Variants in ADAMTSL1 observed in about 807,000 individuals in gnomAD.
The protein encoded by ADAMTSL1 is ADAMTS-like protein 1.
Under a neutral mutation model 201.8 loss-of-function variants are expected in ADAMTSL1, and 126 were observed. The observed-to-expected ratio is 0.62, with a 90% CI of 0.54 to 0.72. The LOEUF (loss-of-function observed/expected upper bound fraction) is 0.72. Ranked by LOEUF, ADAMTSL1 falls within the 30% of genes least tolerant of loss-of-function variation. The pLI, the probability that ADAMTSL1 is intolerant of heterozygous loss-of-function variation, is 0.00. For missense variants in ADAMTSL1, 2,679 were observed against 2,277.8 expected, an observed-to-expected ratio of 1.18 and a Z score of -3.59; for synonymous variants, 1,121 against 903.4, an observed-to-expected ratio of 1.24 and a Z score of -4.32.
chr9:18,130,208 G>A (rs1242226015), intron 1 of ADAMTSL1, among the ~76,000 whole-genome samples: 1 of 152,000 alleles, frequency 6.6e-6, no homozygotes, highest in African/African-American at 2.4e-5. Flanking sequence ...CCTTCACAGG[G>A]GCATTTTCAC....
chr9:18,822,667 A>C (rs553097351), intron 21 of ADAMTSL1, among the ~76,000 whole-genome samples: 5 of 152,328 alleles, frequency 3.3e-5, no homozygotes, highest in African/African-American at 1.2e-4. Context: ...CAGATTTCTT[A>C]ATCTCTATGA....
chr9:18,085,767 G>A (rs1055382259), intron 1 of ADAMTSL1, among the ~76,000 whole-genome samples: 6 of 150,594 alleles, frequency 4.0e-5, no homozygotes, highest in African/African-American at 9.8e-5. Context: ...ATATGTGTGT[G>A]TGTATATATA....
rs138973562 is a variant in ADAMTSL1 at position 17,957,088 on chromosome 9, G to A, written c.87+50166G>A. On this transcript the variant is annotated intron_variant, in intron 1 of 29. Coordinates refer to the ADAMTSL1 transcript ENST00000680146. The stretch of plus-strand genomic sequence containing the variant: ...GAAAACATGGAATTAGAAACGCTCC[G>A]GTATTGTCAATTTTAAATAAGAAAA... 1.8e-4 allele frequency among the ~76,000 whole-genome samples: 28 copies of A among 152,058 alleles called. 1 individual carries two copies. The East Asian group carries it at 3.7e-3, about 20-fold the overall frequency.
intron 1 of ADAMTSL1, among the ~76,000 whole-genome samples, chr9:17,944,291 A>G (rs1827363323): frequency 1.3e-5 from 2 of 152,284 alleles, no homozygotes; most frequent in South Asian, 4.1e-4. Flanking sequence ...AGAACTACAA[A>G]CCACTGCTCA....
chr9:17,912,848 G>C (rs182495038), intron 1 of ADAMTSL1, among the ~76,000 whole-genome samples: 1 of 150,126 alleles, frequency 6.7e-6, no homozygotes, highest in Admixed American at 6.7e-5. Context: ...TAATCATCTT[G>C]AATTGATTTT....
chr9:18,746,897 A>C (rs1270066579), intron 15 of ADAMTSL1, among the ~76,000 whole-genome samples: 1 of 152,194 alleles, frequency 6.6e-6, no homozygotes, highest in Non-Finnish European at 1.5e-5. Context: ...CTTTACAAAA[A>C]ACTAACACTT....
chr9:17,913,883 C>T (rs1825985692), intron 1 of ADAMTSL1, among the ~76,000 whole-genome samples: 1 of 152,194 alleles, frequency 6.6e-6, no homozygotes, highest in South Asian at 2.1e-4. Flanking sequence ...TCAGAGAATA[C>T]TGCAAACACC....
chr9:18,130,832 A>G (rs1825920407), intron 1 of ADAMTSL1, among the ~76,000 whole-genome samples: 2 of 152,158 alleles, frequency 1.3e-5, no homozygotes, highest in South Asian at 4.1e-4. Flanking sequence ...ACATGAGCAG[A>G]CACAGCACAA....
intron 1 of ADAMTSL1, among the ~76,000 whole-genome samples, chr9:17,998,226 C>A (rs954524401): frequency 2.0e-5 from 3 of 152,028 alleles, no homozygotes; most frequent in African/African-American, 7.2e-5. Context: ...TGTGGAAATT[C>A]AAGCACCATG....
intron 2 of ADAMTSL1, among the ~76,000 whole-genome samples, chr9:18,212,326 T>C (rs748327962): frequency 6.6e-6 from 1 of 152,202 alleles, no homozygotes; most frequent in South Asian, 2.1e-4. Flanking sequence ...CCTGGGCCAA[T>C]GTTTCTTGTG....
At chr9:17,929,175 G>T (rs758787991) in intron 1 of ADAMTSL1, among the ~76,000 whole-genome samples, 10 of 152,140 alleles carry the variant, frequency 6.6e-5, no homozygotes, top group Non-Finnish European at 1.5e-4. Flanking sequence ...CTCCTCTTCA[G>T]ATTTTTGAGA....
intron 2 of ADAMTSL1, among the ~76,000 whole-genome samples, chr9:18,433,291 C>A (rs1819578233): frequency 6.6e-6 from 1 of 151,972 alleles, no homozygotes; most frequent in Admixed American, 6.6e-5. Flanking sequence ...CTATAATAAC[C>A]AAAATGGTAT....
Position 18,844,991 on chromosome 9 carries a change from C to T in ADAMTSL1, c.4249+15014C>T, listed in dbSNP as rs569128907. 5.3e-5 allele frequency among the ~76,000 whole-genome samples: 8 copies of T among 152,330 alleles called. No homozygotes were observed. In the South Asian group the frequency reaches 6.2e-4, roughly 12 times the overall value. On this transcript the variant is annotated intron_variant, in intron 23 of 28. Transcript: ENST00000380548. ...GAACTCCCTGACCCCTTGCGCTTCCCGAGTGAGGCAATGCCTCGCCCTGCT... is the reference window on the plus strand; with the variant it reads ...GAACTCCCTGACCCCTTGCGCTTCCTGAGTGAGGCAATGCCTCGCCCTGCT...
chr9:18,860,972 T>C (rs981124983), intron 23 of ADAMTSL1, among the ~76,000 whole-genome samples: 9 of 152,238 alleles, frequency 5.9e-5, no homozygotes, highest in African/African-American at 1.7e-4. Context: ...GTGGAAACTT[T>C]AGTTCTCACT....
At chr9:18,784,023 G>A (rs78948400) in intron 19 of ADAMTSL1, among the ~76,000 whole-genome samples, 21 of 152,210 alleles carry the variant, frequency 1.4e-4, no homozygotes, top group African/African-American at 5.1e-4. Flanking sequence ...TTGACATCCA[G>A]TTATCTCTCC....
intron 2 of ADAMTSL1, among the ~76,000 whole-genome samples, chr9:18,260,641 T>C (rs962456207): frequency 4.6e-5 from 7 of 152,210 alleles, no homozygotes; most frequent in Admixed American, 1.3e-4. Context: ...TTGTTTCTGC[T>C]GCCAATCTGG....
At chr9:18,506,594 C>T (rs5013435) in intron 2 of ADAMTSL1, among the ~76,000 whole-genome samples, 5,609 of 151,686 alleles carry the variant, frequency 0.037, 348 homozygotes, top group African/African-American at 0.13. Context: ...ATGCGAAATT[C>T]AAAAATAAAC....
At chr9:18,111,451 T>C (rs910693578) in intron 1 of ADAMTSL1, among the ~76,000 whole-genome samples, 2 of 152,190 alleles carry the variant, frequency 1.3e-5, no homozygotes, top group African/African-American at 4.8e-5. Flanking sequence ...TATGAGTTAT[T>C]TGATGTCCAA....
intron 2 of ADAMTSL1, among the ~76,000 whole-genome samples, chr9:18,341,581 T>A (rs1835464955): frequency 6.6e-6 from 1 of 152,188 alleles, no homozygotes; most frequent in Non-Finnish European, 1.5e-5. Context: ...CACTGTATTA[T>A]AATTGCTGGC....
Sources: allele counts gnomAD v4.1 joint callset (sites outside exome capture counted in the v4.1 genomes callset), GRCh38; gene constraint gnomAD v4.1.1; transcripts MANE v1.5; gene names NCBI Gene and HGNC (gene_info 2026-07-23, HGNC 2026-07-21).